The following MRAS variants were observed in gnomAD, a reference collection of about 807,000 sequenced individuals.
The protein encoded by MRAS is muscle RAS oncogene homolog, also known as ras-related protein M-Ras.
A neutral mutation model predicts 20.9 loss-of-function variants in MRAS; 4 were observed. That is an observed-to-expected ratio of 0.19 (90% confidence interval 0.09 to 0.44). MRAS has a LOEUF of 0.44. Among genes scored for constraint, MRAS ranks in the 20% least tolerant of loss-of-function variants. The pLI is 0.99. For missense variants in MRAS, 154 were observed against 277.5 expected (o/e 0.56, Z 3.16); for synonymous variants, 98 against 102.9 (o/e 0.95, Z 0.29).
At chr3:138,376,023 A>T (rs1231721463) in intron 2 of MRAS, among the ~76,000 whole-genome samples, 1 of 152,176 alleles carries the variant, frequency 6.6e-6, no homozygotes, top group Admixed American at 6.6e-5. Context: ...CTTTGTAAAT[A>T]TGTTTTAAAA....
chr3:138,386,574 C>T (rs1442278037), intron 2 of MRAS, among the ~76,000 whole-genome samples: 3 of 152,180 alleles, frequency 2.0e-5, no homozygotes, highest in Admixed American at 2.0e-4. Context: ...ACCTCTGCCT[C>T]CTGGATTCAA....
intron 2 of MRAS, among the ~76,000 whole-genome samples, chr3:138,389,613 A>C (rs772963234): frequency 1.3e-4 from 20 of 151,208 alleles, no homozygotes; most frequent in Non-Finnish European, 2.1e-4. Context: ...TTCTGGTTGA[A>C]GAAAAATGAC....
At chr3:138,375,789 AGGTG>A (rs2054771108) in intron 2 of MRAS, among the ~76,000 whole-genome samples, 1 of 152,204 alleles carries the variant, frequency 6.6e-6, no homozygotes, top group South Asian at 2.1e-4. Flanking sequence ...TGGGAGGCTG[AGGTG>A]GGCAGATTGC....
chr3:138,397,283 GT>G lies in MRAS; in HGVS notation c.194-40del, dbSNP rs564483828. 235 of 1,606,700 alleles carry G rather than the reference GT, an allele frequency of 1.5e-4. 1 individual carries two copies. The South Asian group carries it at 2.5e-3, about 17-fold the overall frequency. ...TCTTGCAGGCTGTGGGGGCTACAGGGTAGGTGAGGACAGCCCCTGAGTGGCC... is the reference window on the plus strand; with the variant it reads ...TCTTGCAGGCTGTGGGGGCTACAGGGAGGTGAGGACAGCCCCTGAGTGGCC... On this transcript the variant is annotated intron_variant, in intron 2 of 5. Transcript: ENST00000423968.
At chr3:138,387,238 A>G (rs753636444) in intron 2 of MRAS, among the ~76,000 whole-genome samples, 4 of 152,236 alleles carry the variant, frequency 2.6e-5, no homozygotes, top group Non-Finnish European at 4.4e-5. Context: ...CAGTGCACTC[A>G]TGAGTTTTCT....
intron 3 of MRAS, 129 bp downstream of exon 3, chr3:138,397,606 T>A: frequency 2.7e-6 from 3 of 1,092,714 alleles, no homozygotes; most frequent in Non-Finnish European, 2.6e-6. Context: ...TTTTAAGCCT[T>A]ATGTGGAGTA....
intron 2 of MRAS, among the ~76,000 whole-genome samples, chr3:138,378,253 G>A (rs2054824875): frequency 6.6e-6 from 1 of 152,218 alleles, no homozygotes; most frequent in African/African-American, 2.4e-5. Flanking sequence ...CTTCCACACT[G>A]ATTATTCTCA....
intron 2 of MRAS, among the ~76,000 whole-genome samples, chr3:138,375,937 G>A (rs765152385): frequency 6.6e-6 from 1 of 152,028 alleles, no homozygotes; most frequent in Non-Finnish European, 1.5e-5. Context: ...GCAGTGAGCC[G>A]AGACTGCGCC....
intron 2 of MRAS, among the ~76,000 whole-genome samples, chr3:138,380,104 G>A (rs531677739): frequency 1.7e-3 from 260 of 152,240 alleles, no homozygotes; most frequent in Middle Eastern, 0.01. Context: ...GATGATTAGC[G>A]ATGTTGATAA....
At chr3:138,392,320 G>A (rs1335492173) in intron 2 of MRAS, among the ~76,000 whole-genome samples, 2 of 152,050 alleles carry the variant, frequency 1.3e-5, no homozygotes, top group African/African-American at 2.4e-5. Context: ...CTGATCCTCC[G>A]CTTTATCCTC....
At chr3:138,399,279 G>C (rs1353020722) in intron 4 of MRAS, among the ~76,000 whole-genome samples, 3 of 152,244 alleles carry the variant, frequency 2.0e-5, no homozygotes, top group African/African-American at 7.2e-5. Context: ...AGAGGTCAGG[G>C]ATAGTGAGAC....
chr3:138,384,920 G>C (rs2054979164), intron 2 of MRAS, among the ~76,000 whole-genome samples: 1 of 152,222 alleles, frequency 6.6e-6, no homozygotes, highest in South Asian at 2.1e-4. Context: ...CCAGCAGGAT[G>C]AGGAACTGAG....
intron 1 of MRAS, among the ~76,000 whole-genome samples, chr3:138,363,864 G>A (rs894231350): frequency 2.1e-5 from 3 of 141,968 alleles, no homozygotes; most frequent in African/African-American, 7.9e-5. Context: ...GGGTGGCTAT[G>A]TTTTGTGATG....
intron 1 of MRAS, 171 bp downstream of exon 1, chr3:138,348,938 CG>C (rs1281590356): frequency 2.0e-5 from 3 of 152,136 alleles, no homozygotes; most frequent in Non-Finnish European, 2.9e-5. Flanking sequence ...GCCCCCATCG[CG>C]GGCTCCCGCG....
intron 2 of MRAS, among the ~76,000 whole-genome samples, chr3:138,389,073 C>T (rs2055075106): frequency 6.6e-6 from 1 of 152,052 alleles, no homozygotes; most frequent in African/African-American, 2.4e-5. Context: ...AACTCCTGAC[C>T]TCGTGATCCG....
intron 1 of MRAS, among the ~76,000 whole-genome samples, chr3:138,352,134 G>T (rs550630822): frequency 1.3e-5 from 2 of 152,372 alleles, no homozygotes; most frequent in Admixed American, 6.5e-5. Flanking sequence ...GTCTGACAAA[G>T]AGGGCAGTGC....
chr3:138,353,639 A>G (rs2054272532), intron 1 of MRAS, among the ~76,000 whole-genome samples: 1 of 152,180 alleles, frequency 6.6e-6, no homozygotes, highest in Non-Finnish European at 1.5e-5. Context: ...GCCCCTCTGT[A>G]TGTCCGTCCT....
intron 1 of MRAS, among the ~76,000 whole-genome samples, chr3:138,352,762 C>T (rs9289557): frequency 0.18 from 27,969 of 151,822 alleles, 3,438 homozygotes; most frequent in Non-Finnish European, 0.28. Flanking sequence ...ATAATGAATT[C>T]GGCTGTGCAG....
At chr3:138,391,578 G>T (rs867272299) in intron 2 of MRAS, among the ~76,000 whole-genome samples, 6 of 152,070 alleles carry the variant, frequency 3.9e-5, no homozygotes, top group African/African-American at 1.4e-4. Context: ...CAAAATTCTC[G>T]GAAATATTGT....
Sources: gnomAD v4.1 joint callset for allele counts (sites outside exome capture counted in the v4.1 genomes callset) on GRCh38, gnomAD v4.1.1 for gene constraint, MANE v1.5 for transcripts, NCBI Gene and HGNC (gene_info 2026-07-23, HGNC 2026-07-21) for gene names.